WWOX: variants seen among roughly 807,000 people sequenced by gnomAD.
WWOX encodes WW domain-containing oxidoreductase.
WWOX carries 69 observed loss-of-function variants against 46.2 expected under a neutral mutation model. The ratio of observed to expected loss-of-function variants is 1.49; its 90% CI spans 1.23 to 1.82. The LOEUF (loss-of-function observed/expected upper bound fraction) is 1.82. WWOX is among the 40% of genes most tolerant of loss of function. The pLI is 0.00. For synonymous variants in WWOX, 359 were observed against 202.6 expected, an observed-to-expected ratio of 1.77 and a Z score of -6.56; for missense variants, 919 against 542.6, an observed-to-expected ratio of 1.69 and a Z score of -6.89.
chr16:79,182,529 G>C (rs1439314721), intron 8 of WWOX, among the ~76,000 whole-genome samples: 1 of 152,098 alleles, frequency 6.6e-6, no homozygotes. Flanking sequence ...AGGAGGGAAA[G>C]TAATTAGCGG....
chr16:78,129,768 G>A (rs774022616), intron 4 of WWOX, among the ~76,000 whole-genome samples: 1 of 151,268 alleles, frequency 6.6e-6, no homozygotes, highest in Non-Finnish European at 1.5e-5. Flanking sequence ...TTACTTAAAT[G>A]TAGATTTATG....
At position 78,199,009 on chromosome 16, in the gene WWOX, A is replaced by G. The variant is rs1382868025; in HGVS notation, c.516+34720A>G. Reference sequence around the variant, plus strand: ...CTGCTACTTATACTTCTGCCTTATCATGGTCCATAACATTCACCTTCCACT... The same window carrying G: ...CTGCTACTTATACTTCTGCCTTATCGTGGTCCATAACATTCACCTTCCACT... On this transcript the variant is annotated intron_variant, in intron 5 of 8. Transcript: ENST00000566780. 3.3e-5 allele frequency among the ~76,000 whole-genome samples: 5 copies of G among 152,068 alleles called. No individual in the cohort carries two copies. In the East Asian group the frequency reaches 7.8e-4, roughly 24 times the overall value.
chr16:78,335,584 A>G (rs971799109), intron 5 of WWOX, among the ~76,000 whole-genome samples: 6 of 152,186 alleles, frequency 3.9e-5, no homozygotes, highest in African/African-American at 1.4e-4. Flanking sequence ...TGACCCAGCA[A>G]TCCCATTACT....
chr16:78,228,066 G>A (rs1344792493), intron 5 of WWOX, among the ~76,000 whole-genome samples: 1 of 151,890 alleles, frequency 6.6e-6, no homozygotes, highest in African/African-American at 2.4e-5. Context: ...CCTGCCCAGG[G>A]CTATGGGGAG....
At chr16:78,369,078 T>G (rs891572623) in intron 5 of WWOX, among the ~76,000 whole-genome samples, 3 of 152,118 alleles carry the variant, frequency 2.0e-5, no homozygotes, top group African/African-American at 4.8e-5. Context: ...TTTTAACTAT[T>G]CTTCTTTAGA....
intron 8 of WWOX, among the ~76,000 whole-genome samples, chr16:78,583,654 A>C (rs181058044): frequency 1.5e-4 from 23 of 152,168 alleles, no homozygotes; most frequent in Admixed American, 8.5e-4. Context: ...GCTGCTTTCA[A>C]TGTCAAGCCA....
intron 8 of WWOX, among the ~76,000 whole-genome samples, chr16:78,757,881 G>T (rs9931127): frequency 0.13 from 19,048 of 151,814 alleles, 3,262 homozygotes; most frequent in African/African-American, 0.39. Flanking sequence ...TCTCATGACT[G>T]AAGTACCTCC....
chr16:78,500,647 G>C (rs1024708302), intron 8 of WWOX, among the ~76,000 whole-genome samples: 11 of 152,212 alleles, frequency 7.2e-5, no homozygotes, highest in Non-Finnish European at 1.6e-4. Flanking sequence ...GGGGGGCTTA[G>C]CTTGGGTATC....
At chr16:79,072,279 G>A (rs2048565772) in intron 8 of WWOX, among the ~76,000 whole-genome samples, 1 of 152,018 alleles carries the variant, frequency 6.6e-6, no homozygotes, top group African/African-American at 2.4e-5. Flanking sequence ...GAATGAGACT[G>A]TCCCCCCAAC....
chr16:78,397,359 C>T (rs376386309), intron 6 of WWOX, among the ~76,000 whole-genome samples: 1 of 152,086 alleles, frequency 6.6e-6, no homozygotes, highest in East Asian at 1.9e-4. Flanking sequence ...ACATACCATC[C>T]CATTTTATCC....
chr16:78,408,720 G>C (rs541273115), intron 6 of WWOX, among the ~76,000 whole-genome samples: 2 of 152,302 alleles, frequency 1.3e-5, no homozygotes, highest in Non-Finnish European at 2.9e-5. Context: ...GGGAGATACA[G>C]CTAATTTGCA....
At chr16:79,181,830 A>G (rs1388724421) in intron 8 of WWOX, among the ~76,000 whole-genome samples, 2 of 152,310 alleles carry the variant, frequency 1.3e-5, no homozygotes, top group Non-Finnish European at 1.5e-5. Context: ...TGCATGTTTC[A>G]TCCATTTGCA....
At chr16:78,503,872 C>T (rs1337513158) in intron 8 of WWOX, 2 of 152,134 alleles carry the variant, frequency 1.3e-5, no homozygotes, top group Non-Finnish European at 2.9e-5. Flanking sequence ...TAAACTTAGC[C>T]AGTTGAAGAT....
At chr16:79,172,777 G>A (rs2050725673) in intron 8 of WWOX, among the ~76,000 whole-genome samples, 2 of 152,054 alleles carry the variant, frequency 1.3e-5, no homozygotes, top group African/African-American at 4.8e-5. Flanking sequence ...TGTAATTCCA[G>A]CACTCTGGGA....
At chr16:78,525,929 T>C (rs138644664) in intron 8 of WWOX, 2 of 152,114 alleles carry the variant, frequency 1.3e-5, no homozygotes, top group East Asian at 1.9e-4. Flanking sequence ...AAAAATCATA[T>C]AAGCATGATT....
intron 8 of WWOX, among the ~76,000 whole-genome samples, chr16:78,532,109 G>C (rs920935225): frequency 6.6e-5 from 10 of 151,348 alleles, no homozygotes; most frequent in African/African-American, 1.9e-4. Context: ...GAGTGGAAGA[G>C]CTGTCAGATT....
rs183068215 is a variant in WWOX at position 78,500,117 on chromosome 16, A to C, written c.1056+67365A>C. On this transcript the variant is annotated intron_variant, in intron 8 of 8. Coordinates refer to ENST00000566780, the MANE Select transcript of WWOX (RefSeq NM_016373.4). The stretch of plus-strand genomic sequence containing the variant: ...CACACATTGAGGTTTTTGGTGTGCC[A>C]TTCTAATGCATGAGCTCATTTTGAG... Among the ~76,000 whole-genome samples the C allele has an allele frequency of 9.2e-5, 14 of 152,332 alleles. No individual in the cohort carries two copies. In the East Asian group the frequency reaches 2.7e-3, roughly 29 times the overall value.
At chr16:78,810,841 G>T (rs182482288) in intron 8 of WWOX, among the ~76,000 whole-genome samples, 2 of 152,194 alleles carry the variant, frequency 1.3e-5, no homozygotes, top group African/African-American at 2.4e-5. Context: ...GACAGCGCAA[G>T]ATCCAAAAAG....
intron 8 of WWOX, among the ~76,000 whole-genome samples, chr16:79,025,226 T>A (rs896110559): frequency 2.0e-5 from 3 of 152,184 alleles, no homozygotes; most frequent in Non-Finnish European, 4.4e-5. Context: ...GCAGGGAGAT[T>A]AGCTGAGAGG....
Sources: allele counts gnomAD v4.1 joint callset (sites outside exome capture counted in the v4.1 genomes callset), GRCh38; gene constraint gnomAD v4.1.1; transcripts MANE v1.5; gene names NCBI Gene and HGNC (gene_info 2026-07-23, HGNC 2026-07-21).